Variants in ATP1A4 observed in about 807,000 individuals in gnomAD.
ATP1A4 encodes the protein sodium/potassium-transporting ATPase subunit alpha-4.
ATP1A4 carries 90 observed loss-of-function variants against 114.3 expected under a neutral mutation model. That is an observed-to-expected ratio of 0.79 (90% CI 0.66 to 0.94). The LOEUF (loss-of-function observed/expected upper bound fraction) is 0.94, where lower values mean the gene tolerates loss of function less well. Ranked by LOEUF, ATP1A4 falls within the 40% of genes least tolerant of loss-of-function variation. The pLI, the probability that ATP1A4 is intolerant of heterozygous loss-of-function variation, is 0.00. For missense variants in ATP1A4, 1,222 were observed against 1,313.6 expected (o/e 0.93, Z 1.08); for synonymous variants, 511 against 494.1 (o/e 1.03, Z -0.45).
intron 20 of ATP1A4, among the ~76,000 whole-genome samples, chr1:160,184,405 G>A (rs1653812131): frequency 6.6e-6 from 1 of 152,040 alleles, no homozygotes; most frequent in Non-Finnish European, 1.5e-5. Context: ...AACTTAGCCA[G>A]GTGTAGCGGT....
At chr1:160,171,514 G>C (rs1653258938) in intron 11 of ATP1A4, 71 bp from the exon 12 acceptor site, 3 of 1,599,562 alleles carry the variant, frequency 1.9e-6, no homozygotes, top group Middle Eastern at 1.7e-4. Flanking sequence ...AGAAATCAAG[G>C]ATGTTGGGGT....
chr1:160,174,051 C>G, intron 13 of ATP1A4, 60 bp from the exon 14 acceptor site: 1 of 1,585,142 alleles, frequency 6.3e-7, no homozygotes, highest in Non-Finnish European at 8.6e-7. Flanking sequence ...AGATGGGCAC[C>G]AAGACCCCTG....
At position 160,164,266 on chromosome 1, in the gene ATP1A4, G is replaced by A. The variant is rs17368402; in HGVS notation, c.889G>A (p.Glu297Lys). 0.11 allele frequency: 171,272 copies of A among 1,614,078 alleles called. 9,967 individuals carry two copies. Among genetic ancestry groups the A allele is most frequent in the Non-Finnish European group, 0.12 (138,087 of 1,179,990 alleles). Residue 297 changes from glutamate to lysine, a missense_variant, in exon 7 of 22, where the codon GAA becomes AAA. Glu to Lys is a moderately conservative substitution (Grantham distance 56). Coordinates refer to ENST00000368081, the MANE Select transcript of ATP1A4 (RefSeq NM_144699.4). ...VGQTPIAAEI[E>K]HFIHLITVVA... ...CCAGACACCTATCGCTGCTGAGATC[G>A]AACACTTCATCCATCTGATCACTGT...
rs188069439 is a variant in ATP1A4 at position 160,153,415 on chromosome 1, G to C, written c.207+191G>C. Among the ~76,000 whole-genome samples, 9 of 152,302 alleles carry C rather than the reference G, an allele frequency of 5.9e-5. No individual in the cohort carries two copies. The East Asian group carries it at 7.7e-4, about 13-fold the overall frequency. On this transcript the variant is annotated intron_variant, in intron 2 of 21. Transcript: ENST00000368081. ...CAAATGGTAACTACCCTCAAAGAGA[G>C]TGTGGGACTAGATAAGAGAATAAGA...
intron 10 of ATP1A4, 58 bp downstream of exon 10, chr1:160,167,470 C>A: frequency 6.3e-7 from 1 of 1,592,542 alleles, no homozygotes. Context: ...ATCACTGGAA[C>A]AAGGGGAGCT....
Position 160,152,121 on chromosome 1 carries a change from G to GA in ATP1A4, c.88dup (p.Met30AsnfsTer22), listed in dbSNP as rs769261788. On this transcript the variant is annotated frameshift_variant, in exon 1 of 22. Transcript: ENST00000368081. LOFTEE classifies it high-confidence loss of function. ...GAAGACCTAAAAAAGGGCTTATCAA[G>GA]AAAAAAATGGTGAAGAGGGAAAAAC... 1 of 1,613,540 alleles carries GA rather than the reference G, an allele frequency of 6.2e-7. No homozygotes were observed. The highest frequency in any genetic ancestry group is 2.2e-5 in the East Asian group (1 of 44,870).
In ATP1A4 at chr1:160,153,209, C is replaced by A; in HGVS notation, c.192C>A (p.Ser64=). The change falls in exon 2 of 22, where the codon TCC becomes TCA. Residue 64 remains serine, a synonymous_variant. Transcript: ENST00000368081. ...TGGAAGAGCTGAGCACCAAGTACTCCGTGGACCTGACAAAGGTGAGTAAGA... is the reference window on the plus strand; with the variant it reads ...TGGAAGAGCTGAGCACCAAGTACTCAGTGGACCTGACAAAGGTGAGTAAGA... ...LTLEELSTKY[S]VDLTKGHSHQ... The A allele has an allele frequency of 6.2e-7, 1 of 1,613,812 alleles. No homozygotes were observed. Among genetic ancestry groups the A allele is most frequent in the East Asian group, 2.2e-5 (1 of 44,874 alleles).
intron 17 of ATP1A4, among the ~76,000 whole-genome samples, chr1:160,177,245 T>C (rs1204196354): frequency 6.6e-6 from 1 of 152,190 alleles, no homozygotes; most frequent in Non-Finnish European, 1.5e-5. Context: ...AGGGAATCAG[T>C]GGCCTCTAAA....
At position 160,171,813 on chromosome 1, in the gene ATP1A4, T is replaced by C. The variant is rs16831485; in HGVS notation, c.1854+56T>C. 2.8e-3 allele frequency: 4,349 copies of C among 1,572,656 alleles called. 110 individuals carry two copies. The African/African-American group carries it at 0.052, about 19-fold the overall frequency. On this transcript the variant is annotated intron_variant, in intron 12 of 21. Transcript: ENST00000368081. ...ACCTGTCACAAGTTGAAGCATCTAC[T>C]AGAAGGCCTTGCGCAGAGTAGATGC...
At chr1:160,171,851 G>C in intron 12 of ATP1A4, 94 bp downstream of exon 12, 2 of 1,229,590 alleles carry the variant, frequency 1.6e-6, no homozygotes, top group South Asian at 1.6e-5. Flanking sequence ...AATACCCTTA[G>C]TTTAATTGAG....
At chr1:160,165,204 TA>T (rs1425964720) in intron 7 of ATP1A4, among the ~76,000 whole-genome samples, 1 of 152,208 alleles carries the variant, frequency 6.6e-6, no homozygotes, top group Non-Finnish European at 1.5e-5. Context: ...GAAATGACAA[TA>T]ATACTTGGGG....
intron 6 of ATP1A4, among the ~76,000 whole-genome samples, chr1:160,160,795 C>T (rs879741919): frequency 3.3e-5 from 5 of 151,666 alleles, no homozygotes; most frequent in African/African-American, 9.7e-5. Flanking sequence ...AAAGAAGAAG[C>T]GTAATGTTAA....
intron 10 of ATP1A4, chr1:160,170,173 C>G (rs1026758337): frequency 1.3e-5 from 2 of 152,204 alleles, no homozygotes; most frequent in African/African-American, 4.8e-5. Context: ...GCCTGTAATC[C>G]CAGCAGTTTC....
intron 2 of ATP1A4, among the ~76,000 whole-genome samples, 194 bp from the exon 3 acceptor site, chr1:160,154,851 C>G (rs1316342843): frequency 6.6e-6 from 1 of 152,178 alleles, no homozygotes; most frequent in Non-Finnish European, 1.5e-5. Flanking sequence ...CCTATGTAAG[C>G]ATGCTAAATG....
Position 160,177,580 on chromosome 1 carries a change from T to C in ATP1A4, c.2652T>C (p.Phe884=). 1.2e-6 allele frequency: 2 copies of C among 1,614,234 alleles called. No individual in the cohort carries two copies. The highest frequency in any genetic ancestry group is 8.5e-7 in the Non-Finnish European group (1 of 1,180,048). The change falls in exon 18 of 22, where the codon TTT becomes TTC. Residue 884 remains phenylalanine (F), a synonymous_variant. Transcript: ENST00000368081. ...TTGTAATCCTGGCTGAGAATGGTTT[T>C]AGGCCTGTTGATCTGCTGGGCATCC... ...TYFVILAENG[F]RPVDLLGIRL...
intron 18 of ATP1A4, among the ~76,000 whole-genome samples, chr1:160,178,200 A>G (rs537881739): frequency 6.6e-6 from 1 of 152,046 alleles, no homozygotes; most frequent in African/African-American, 2.4e-5. Context: ...TACTAAAAAT[A>G]CAAAATTAGC....
intron 9 of ATP1A4, 36 bp from the exon 10 acceptor site, chr1:160,167,242 C>T: frequency 6.3e-7 from 1 of 1,578,990 alleles, no homozygotes; most frequent in Middle Eastern, 1.8e-4. Flanking sequence ...AGGTAGCATG[C>T]CCCTGGGGCT....
At position 160,186,694 on chromosome 1, in the gene ATP1A4, T is replaced by C; in HGVS notation, c.3085T>C (p.Tyr1029His). 1 of 1,611,162 alleles carries C rather than the reference T, an allele frequency of 6.2e-7. No individual in the cohort carries two copies. Among genetic ancestry groups the C allele is most frequent in the Admixed American group, 1.7e-5 (1 of 59,676 alleles). The change falls in exon 22 of 22, where the codon TAC (tyrosine) becomes CAC (histidine). Residue 1029 changes from tyrosine to histidine, a missense_variant. By Grantham distance (83) the Tyr-to-His change is moderately conservative (BLOSUM62 2). Transcript: ENST00000368081. The part of the protein sequence containing the change: ...PDGWVERETY[Y>H] ...AGGCTGGGTGGAAAGGGAGACGTAC[T>C]ACTAAACTCAGCAGATGAAGAGCTT...
Position 160,186,834 on chromosome 1 carries a change from G to A in ATP1A4, c.*135G>A. The A allele has an allele frequency of 9.4e-7, 1 of 1,066,424 alleles. No individual in the cohort carries two copies. The highest frequency in any genetic ancestry group is 1.6e-5 in the African/African-American group (1 of 63,820). 66.1% of individuals were successfully genotyped at this position (1,066,424 alleles called of 1,614,324 possible). Reference sequence around the variant, plus strand: ...GGATGAGAAAGATGGGCAATCCTGGGCTGGCTTGAGGGAATCATGGGCAGA... The same window carrying A: ...GGATGAGAAAGATGGGCAATCCTGGACTGGCTTGAGGGAATCATGGGCAGA... On this transcript the variant is annotated 3_prime_UTR_variant, in exon 22 of 22. Transcript: ENST00000368081.
Sources: allele counts gnomAD v4.1 joint callset (sites outside exome capture counted in the v4.1 genomes callset), GRCh38; gene constraint gnomAD v4.1.1; transcripts MANE v1.5; gene names NCBI Gene and HGNC (gene_info 2026-07-23, HGNC 2026-07-21).